Variants in ATXN10 observed in about 807,000 individuals in gnomAD.
ATXN10 encodes ataxin 10, also known as ataxin-10.
Under a neutral mutation model 52.9 loss-of-function variants are expected in ATXN10, and 28 were observed. The observed-to-expected ratio is 0.53, with a 90% confidence interval of 0.39 to 0.73. ATXN10 has a LOEUF of 0.73. Among genes scored for constraint, ATXN10 ranks in the 30% least tolerant of loss-of-function variants. The probability of loss-of-function intolerance (pLI) is 0.00; values close to 1 mark genes in which losing one functional copy is unlikely to be tolerated. For synonymous variants in ATXN10, 226 were observed against 221.5 expected, an observed-to-expected ratio of 1.02 and a Z score of -0.18; for missense variants, 565 against 577.0, an observed-to-expected ratio of 0.98 and a Z score of 0.21.
rs947917115 is a variant in ATXN10, at chr22:45,795,319, T to A, written c.1174-11640T>A. ...TGTTGATAAATATATTAAATGTAAA[T>A]GGCTTAAATATCCAACTAAAAGACT... On this transcript the variant is annotated intron_variant, in intron 9 of 11. Coordinates refer to ENST00000252934, the MANE Select transcript of ATXN10 (RefSeq NM_013236.4). The surrounding 1 kb of genome is among the most constrained non-coding windows in gnomAD (Gnocchi z 4.6). Among the ~76,000 whole-genome samples, 1 of 152,136 alleles carries A rather than the reference T, an allele frequency of 6.6e-6. No individual in the cohort carries two copies. The highest frequency in any genetic ancestry group is 2.4e-5 in the African/African-American group (1 of 41,424).
rs774061131 is a variant in ATXN10 at position 45,672,013 on chromosome 22, C to T, written c.-51C>T. On this transcript the variant is annotated 5_prime_UTR_variant, in exon 1 of 12. Coordinates refer to ENST00000252934, the MANE Select transcript of ATXN10 (RefSeq NM_013236.4). ...CTCCTCGTCATCCTCCCCCTTCGTC[C>T]TCCTCGCCTTCCTCCTCCTCGTCAG... 118 of 1,524,488 alleles carry T rather than the reference C, an allele frequency of 7.7e-5. No homozygotes were observed. In the Middle Eastern group the frequency reaches 1.3e-3, roughly 17 times the overall value. 94.4% of individuals were successfully genotyped at this position (1,524,488 alleles called of 1,614,324 possible). A position where few individuals can be genotyped will look rare whatever the true frequency, so the allele number is the denominator to read the frequency against.
intron 9 of ATXN10, among the ~76,000 whole-genome samples, chr22:45,751,206 C>CA (rs1229573684): frequency 1.3e-5 from 2 of 152,228 alleles, no homozygotes; most frequent in Non-Finnish European, 2.9e-5. Flanking sequence ...GCTGGGATTA[C>CA]AGGTGTGAGC....
chr22:45,800,940 G>C (rs1481971644), intron 9 of ATXN10, among the ~76,000 whole-genome samples: 1 of 152,210 alleles, frequency 6.6e-6, no homozygotes, highest in Non-Finnish European at 1.5e-5. Flanking sequence ...AGCTTTTGGG[G>C]GTGATGGAAA....
At chr22:45,726,948 T>A (rs1323465150) in intron 6 of ATXN10, among the ~76,000 whole-genome samples, 1 of 152,212 alleles carries the variant, frequency 6.6e-6, no homozygotes, top group Non-Finnish European at 1.5e-5. Context: ...CCCAAAGTGT[T>A]GGGATTACAG....
intron 9 of ATXN10, among the ~76,000 whole-genome samples, chr22:45,778,565 G>A (rs561514370): frequency 1.3e-5 from 2 of 152,264 alleles, no homozygotes; most frequent in Admixed American, 6.5e-5. Context: ...ATAAGTCCGC[G>A]TTTACTATTC....
intron 2 of ATXN10, among the ~76,000 whole-genome samples, chr22:45,691,302 A>G (rs1032263838): frequency 6.6e-6 from 1 of 151,970 alleles, no homozygotes; most frequent in Admixed American, 6.6e-5. Flanking sequence ...TGGCAGATAC[A>G]CCTTTGTGCT....
chr22:45,747,489 G>T (rs376875401), intron 9 of ATXN10, among the ~76,000 whole-genome samples: 2 of 151,722 alleles, frequency 1.3e-5, no homozygotes, highest in South Asian at 2.1e-4. Context: ...CGGTGAGGGT[G>T]TGAGACCCTG....
At position 45,701,402 on chromosome 22, in the gene ATXN10, G is replaced by T. The variant is rs1923839328; in HGVS notation, c.488+1024G>T. ...AAATTCCGTAATGCCCTTCCTTGTT[G>T]TACAGCTTTCCTGGGCTCCTCTGTG... is the stretch of plus-strand genomic sequence containing the variant. On this transcript the variant is annotated intron_variant, in intron 4 of 11. Coordinates refer to ENST00000252934, the MANE Select transcript of ATXN10 (RefSeq NM_013236.4). This position sits in a 1 kb window ranked among gnomAD's most constrained non-coding sequence, Gnocchi z 4.2. Among the ~76,000 whole-genome samples, 1 of 152,110 alleles carries T rather than the reference G, an allele frequency of 6.6e-6. No homozygotes were observed. Among genetic ancestry groups the T allele is most frequent in the South Asian group, 2.1e-4 (1 of 4,824 alleles).
intron 10 of ATXN10, among the ~76,000 whole-genome samples, chr22:45,815,482 A>G (rs1168194998): frequency 1.3e-5 from 2 of 152,164 alleles, no homozygotes; most frequent in African/African-American, 4.8e-5. Context: ...AATTGTTTAA[A>G]TCATTTATTG....
intron 10 of ATXN10, among the ~76,000 whole-genome samples, chr22:45,809,333 C>G (rs1928205867): frequency 6.6e-6 from 1 of 152,084 alleles, no homozygotes; most frequent in African/African-American, 2.4e-5. Flanking sequence ...TGCATTTTTT[C>G]CTTTATTTTT....
At position 45,718,749 on chromosome 22, in the gene ATXN10, ATAT is replaced by A. The variant is rs542265591; in HGVS notation, c.728+260_728+262del. Reference sequence around the variant, plus strand: ...TATTAAGAAAAACATTAAGAACAAAATATTATGCATATGCCTGGATTTTAGAAT... The same window carrying A: ...TATTAAGAAAAACATTAAGAACAAAATATGCATATGCCTGGATTTTAGAAT... On this transcript the variant is annotated intron_variant, in intron 6 of 11. Transcript: ENST00000252934. This position sits in a 1 kb window ranked among gnomAD's most constrained non-coding sequence, Gnocchi z 4.4. Among the ~76,000 whole-genome samples the A allele has an allele frequency of 9.7e-4, 147 of 152,282 alleles. No homozygotes were observed. Among genetic ancestry groups the A allele is most frequent in the African/African-American group, 3.2e-3 (135 of 41,560 alleles).
intron 9 of ATXN10, among the ~76,000 whole-genome samples, chr22:45,779,317 G>A (rs935919318): frequency 2.6e-5 from 4 of 152,196 alleles, no homozygotes; most frequent in South Asian, 2.1e-4. Flanking sequence ...TATGTAAGTG[G>A]AAGTATGATT....
intron 9 of ATXN10, among the ~76,000 whole-genome samples, chr22:45,797,984 A>G (rs924663979): frequency 1.3e-5 from 2 of 152,264 alleles, no homozygotes; most frequent in African/African-American, 4.8e-5. Context: ...AAGAAACAAA[A>G]TAAAAACTGA....
At chr22:45,739,096 G>C (rs1925412692) in intron 8 of ATXN10, among the ~76,000 whole-genome samples, 3 of 152,166 alleles carry the variant, frequency 2.0e-5, no homozygotes, top group Admixed American at 1.3e-4. Context: ...TGCCTGTTAT[G>C]CATATAGTAG....
intron 9 of ATXN10, among the ~76,000 whole-genome samples, chr22:45,741,256 A>ACT (rs1452983145): frequency 1.3e-5 from 2 of 151,910 alleles, no homozygotes; most frequent in East Asian, 3.9e-4. Flanking sequence ...TGACTTTGCC[A>ACT]CTCCCCTGTC....
At chr22:45,771,830 C>T (rs1395953920) in intron 9 of ATXN10, among the ~76,000 whole-genome samples, 1 of 152,132 alleles carries the variant, frequency 6.6e-6, no homozygotes, top group Non-Finnish European at 1.5e-5. Context: ...GCTGTGTTGT[C>T]CAGACTGACC....
At chr22:45,834,431 C>T (rs1372707186) in intron 10 of ATXN10, among the ~76,000 whole-genome samples, 2 of 152,272 alleles carry the variant, frequency 1.3e-5, no homozygotes, top group East Asian at 1.9e-4. Context: ...GAAGCTCTGC[C>T]GGTGTGCTAC....
chr22:45,792,078 A>C (rs1927532696), intron 9 of ATXN10, among the ~76,000 whole-genome samples: 1 of 152,154 alleles, frequency 6.6e-6, no homozygotes, highest in Non-Finnish European at 1.5e-5. Flanking sequence ...CAAGGCAATT[A>C]CCTTTTCTTA....
At chr22:45,776,570 A>G (rs1159270921) in intron 9 of ATXN10, among the ~76,000 whole-genome samples, 1 of 151,842 alleles carries the variant, frequency 6.6e-6, no homozygotes, top group Non-Finnish European at 1.5e-5. Context: ...TATGGAAGAG[A>G]AGTTTCTACT....
Sources: gnomAD v4.1 joint callset for allele counts (sites outside exome capture counted in the v4.1 genomes callset) on GRCh38, gnomAD v4.1.1 for gene constraint, Gnocchi (gnomAD v3.1) non-coding constraint, MANE v1.5 for transcripts, NCBI Gene and HGNC (gene_info 2026-07-23, HGNC 2026-07-21) for gene names.